Variants in UGT3A2 observed in about 807,000 individuals in gnomAD.
The protein encoded by UGT3A2 is UDP glycosyltransferase family 3 member A2.
Under a neutral mutation model 39.8 loss-of-function variants are expected in UGT3A2, and 32 were observed. The observed-to-expected ratio is 0.80, with a 90% CI of 0.61 to 1.08. The LOEUF is 1.08. Ranked by LOEUF, UGT3A2 falls within the 50% of genes least tolerant of loss-of-function variation. UGT3A2 has a pLI of 0.00. For synonymous variants in UGT3A2, 241 were observed against 230.7 expected (o/e 1.04, Z -0.40); for missense variants, 611 against 637.1 (o/e 0.96, Z 0.44).
intron 3 of UGT3A2, among the ~76,000 whole-genome samples, chr5:36,051,118 T>C (rs1369620721): frequency 6.6e-6 from 1 of 152,060 alleles, no homozygotes; most frequent in Non-Finnish European, 1.5e-5. Context: ...GTGTTCCAGC[T>C]TGGGTGAGGA....
chr5:36,066,577 C>A, intron 1 of UGT3A2, 119 bp downstream of exon 1: 1 of 1,554,518 alleles, frequency 6.4e-7, no homozygotes, highest in Non-Finnish European at 8.8e-7. Flanking sequence ...CCAGCCGGGT[C>A]CGCAAGCCCA....
rs148007481 is a variant in UGT3A2 at position 36,042,676 on chromosome 5, T to C, written c.844-2968A>G. Among the ~76,000 whole-genome samples the C allele has an allele frequency of 2.1e-3, 315 of 150,354 alleles. 4 individuals carry two copies. The highest frequency in any genetic ancestry group is 3.1e-3 in the Non-Finnish European group (207 of 67,364). On this transcript the variant is annotated intron_variant, in intron 4 of 6. Coordinates refer to ENST00000282507, the MANE Select transcript of UGT3A2 (RefSeq NM_174914.4). ...TATAAAAACACACATAGACTGAAAATAAAGGGATAGGAAAAGATATTCCAT... is the reference window on the plus strand; with the variant it reads ...TATAAAAACACACATAGACTGAAAACAAAGGGATAGGAAAAGATATTCCAT...
In UGT3A2 at chr5:36,035,561, G is replaced by A. The variant is rs1741790484; in HGVS notation, c.*137C>T. The A allele has an allele frequency of 7.9e-7, 1 of 1,269,566 alleles. No homozygotes were observed. 78.6% of individuals were successfully genotyped at this position (1,269,566 alleles called of 1,614,324 possible). On this transcript the variant is annotated 3_prime_UTR_variant, in exon 7 of 7. Transcript: ENST00000282507. ...TTAGCAAGTGGAAAGGATGATTTTT[G>A]GCCATTTTTCCTGTTCTTCAAGAAA...
chr5:36,037,836 G>A lies in UGT3A2; in HGVS notation c.1256C>T (p.Thr419Ile), dbSNP rs756615959. The A allele has an allele frequency of 4.3e-6, 7 of 1,614,122 alleles. No homozygotes were observed. The highest frequency in any genetic ancestry group is 5.9e-6 in the Non-Finnish European group (7 of 1,180,026). ...SIQLKKLKAE[T>I]LALKMKQIME... ...GATTTGTTTCATCTTAAGAGCCAAT[G>A]TCTCTGCCTTGAGCTTCTTTAACTG... The change falls in exon 6 of 7, where the codon ACA (threonine) becomes ATA (isoleucine). Residue 419 changes from threonine (T) to isoleucine (I), a missense_variant. Thr to Ile is a moderately conservative substitution (Grantham distance 89, BLOSUM62 -1). Coordinates refer to ENST00000282507, the MANE Select transcript of UGT3A2 (RefSeq NM_174914.4).
chr5:36,058,409 T>C (rs1468305134), intron 2 of UGT3A2, among the ~76,000 whole-genome samples: 1 of 152,174 alleles, frequency 6.6e-6, no homozygotes, highest in Non-Finnish European at 1.5e-5. Context: ...GTGAGGGTCG[T>C]GATCAACTCA....
chr5:36,037,388 A>G (rs1430533242), intron 6 of UGT3A2, among the ~76,000 whole-genome samples: 2 of 152,188 alleles, frequency 1.3e-5, no homozygotes, highest in African/African-American at 2.4e-5. Context: ...GAATGCAACA[A>G]AGGAGCCAGT....
rs556478846 is a variant in UGT3A2 at position 36,063,040 on chromosome 5, CA to C, written c.196+1208del. Among the ~76,000 whole-genome samples the C allele has an allele frequency of 4.4e-3, 583 of 131,310 alleles. 2 individuals are homozygous for C. The highest frequency in any genetic ancestry group is 0.011 in the African/African-American group (389 of 36,706). The allele number at this position is 131,310 out of a possible 152,430, so 86.1% of individuals were successfully genotyped here. ...TGGCCAACAGAGCGAGACTCTGTCT[CA>C]AAAAAAAAAAAATGGTTTTAGAAAT... On this transcript the variant is annotated intron_variant, in intron 2 of 6. Coordinates refer to ENST00000282507, the MANE Select transcript of UGT3A2 (RefSeq NM_174914.4).
At chr5:36,046,722 T>G (rs11960054) in intron 4 of UGT3A2, among the ~76,000 whole-genome samples, 10,152 of 152,250 alleles carry the variant, frequency 0.067, 1,209 homozygotes, top group African/African-American at 0.23. Flanking sequence ...CAACAATAAT[T>G]TGTAGTATAT....
intron 2 of UGT3A2, among the ~76,000 whole-genome samples, chr5:36,056,671 A>G (rs961900319): frequency 1.3e-5 from 2 of 152,262 alleles, no homozygotes; most frequent in African/African-American, 4.8e-5. Context: ...CTGTCCAGCC[A>G]TACAATTGGC....
Position 36,039,574 on chromosome 5 carries a change from C to T in UGT3A2, c.978G>A (p.Gly326=). 6.2e-7 allele frequency: 1 copy of T among 1,614,140 alleles called. No individual in the cohort carries two copies. Among genetic ancestry groups the T allele is most frequent in the Non-Finnish European group, 8.5e-7 (1 of 1,180,032 alleles). The change falls in exon 5 of 7, where the codon GGG becomes GGA. Residue 326 remains glycine, a synonymous_variant. Coordinates refer to ENST00000282507, the MANE Select transcript of UGT3A2 (RefSeq NM_174914.4). The part of the protein sequence containing the change: ...MNNAFAHLPQ[G]VIWKCQCSHW... ...GAGAACACTGACACTTCCATATCAC[C>T]CCTTGGGGTAGGTGAGCAAAGGCAT...
At chr5:36,054,160 C>T (rs1424921957) in intron 2 of UGT3A2, among the ~76,000 whole-genome samples, 1 of 152,210 alleles carries the variant, frequency 6.6e-6, no homozygotes, top group East Asian at 1.9e-4. Context: ...ACAAGCTTGC[C>T]TTATAAGAAC....
rs775415576 is a variant in UGT3A2, at chr5:36,039,714, G to GA, written c.844-7dup. On this transcript the variant is annotated splice_region_variant and splice_polypyrimidine_tract_variant and intron_variant, in intron 4 of 6. Coordinates refer to ENST00000282507, the MANE Select transcript of UGT3A2 (RefSeq NM_174914.4). ...GCAATGAAGTTCTCCAAGTCCTGGA[G>GA]AAAGATTACCAAGGTAAAGAGGTGA... 6.2e-7 allele frequency: 1 copy of GA among 1,613,564 alleles called. No individual in the cohort carries two copies. Among genetic ancestry groups the GA allele is most frequent in the East Asian group, 2.2e-5 (1 of 44,888 alleles).
chr5:36,040,162 C>G (rs2111697944), intron 4 of UGT3A2, among the ~76,000 whole-genome samples: 1 of 152,298 alleles, frequency 6.6e-6, no homozygotes, highest in African/African-American at 2.4e-5. Flanking sequence ...TGTACCCTTT[C>G]AGTGTGTTTT....
chr5:36,035,958 C>G lies in UGT3A2; in HGVS notation c.1312G>C (p.Val438Leu). Residue 438 changes from valine (V) to leucine (L), a missense_variant, in exon 7 of 7, where the codon GTG (valine) becomes CTG (leucine). By Grantham distance (32) the Val-to-Leu change is conservative. Coordinates refer to ENST00000282507, the MANE Select transcript of UGT3A2 (RefSeq NM_174914.4). ...MEDKRYKSAA[V>L]AASVILRSHP... ...GAGCGCAGGATGACACTGGCAGCCACTGCCGCGGACTTGTATCTGTTGAGA... is the reference window on the plus strand; with the variant it reads ...GAGCGCAGGATGACACTGGCAGCCAGTGCCGCGGACTTGTATCTGTTGAGA... The G allele has an allele frequency of 6.2e-7, 1 of 1,613,784 alleles. No individual in the cohort carries two copies. The highest frequency in any genetic ancestry group is 1.3e-5 in the African/African-American group (1 of 75,038).
Position 36,039,573 on chromosome 5 carries a change from C to T in UGT3A2, c.979G>A (p.Val327Met), listed in dbSNP as rs780867871. Reference sequence around the variant, plus strand: ...TGAGAACACTGACACTTCCATATCACCCCTTGGGGTAGGTGAGCAAAGGCA... The same window carrying T: ...TGAGAACACTGACACTTCCATATCATCCCTTGGGGTAGGTGAGCAAAGGCA... ...NNAFAHLPQG[V>M]IWKCQCSHWP... The change falls in exon 5 of 7, where the codon GTG (valine) becomes ATG (methionine). Residue 327 changes from valine (V) to methionine (M), a missense_variant. Coordinates refer to ENST00000282507, the MANE Select transcript of UGT3A2 (RefSeq NM_174914.4). 5.6e-6 allele frequency: 9 copies of T among 1,614,064 alleles called. No homozygotes were observed. The East Asian group carries it at 1.3e-4, about 24-fold the overall frequency.
At chr5:36,036,146 T>C (rs1741821234) in intron 6 of UGT3A2, among the ~76,000 whole-genome samples, 172 bp from the exon 7 acceptor site, 1 of 152,172 alleles carries the variant, frequency 6.6e-6, no homozygotes, top group South Asian at 2.1e-4. Context: ...CAAGCAAAGA[T>C]CCATGTATAA....
rs1742651126 is a variant in UGT3A2, at chr5:36,060,352, T to C, written c.196+3897A>G. 2.0e-5 allele frequency among the ~76,000 whole-genome samples: 3 copies of C among 152,212 alleles called. No homozygotes were observed. In the South Asian group the frequency reaches 6.2e-4, roughly 32 times the overall value. The stretch of plus-strand genomic sequence containing the variant: ...AAACAGCAGACTGTTTCTCATAAAA[T>C]GCAGAATGTTGGCAAACTGACAAAC... On this transcript the variant is annotated intron_variant, in intron 2 of 6. Transcript: ENST00000282507.
Position 36,048,939 on chromosome 5 carries a change from T to G in UGT3A2, c.793A>C (p.Thr265Pro). 2 of 1,614,058 alleles carry G rather than the reference T, an allele frequency of 1.2e-6. No individual in the cohort carries two copies. Among genetic ancestry groups the G allele is most frequent in the South Asian group, 2.2e-5 (2 of 91,082 alleles). The change falls in exon 4 of 7, where the codon ACT becomes CCT. Residue 265 changes from threonine (T) to proline (P), a missense_variant. By Grantham distance (38) the Thr-to-Pro change is conservative (BLOSUM62 -1). Coordinates refer to ENST00000282507, the MANE Select transcript of UGT3A2 (RefSeq NM_174914.4). ...TCCATCAAGCCTCCAACATAAACAG[T>G]GTTGGGAAGCAGAGGTCGAGCAAAA... Reference protein sequence around the residue: ...FDFARPLLPNTVYVGGLMEKP... With the variant: ...FDFARPLLPNPVYVGGLMEKP...
chr5:36,059,207 C>G (rs1048169105), intron 2 of UGT3A2, among the ~76,000 whole-genome samples: 3 of 152,064 alleles, frequency 2.0e-5, no homozygotes, highest in African/African-American at 7.2e-5. Context: ...AAATTAAAAC[C>G]AACCAGATGA....
Sources: allele counts gnomAD v4.1 joint callset (sites outside exome capture counted in the v4.1 genomes callset), GRCh38; gene constraint gnomAD v4.1.1; transcripts MANE v1.5; gene names NCBI Gene and HGNC (gene_info 2026-07-23, HGNC 2026-07-21).